TESK2: variants seen among roughly 807,000 people sequenced by gnomAD.
The protein encoded by TESK2 is testis associated actin remodelling kinase 2, also known as dual specificity testis-specific protein kinase 2.
A neutral mutation model predicts 57.1 loss-of-function variants in TESK2; 39 were observed. The observed-to-expected ratio is 0.68, with a 90% CI of 0.53 to 0.89. The LOEUF (loss-of-function observed/expected upper bound fraction) is 0.89, where lower values mean the gene tolerates loss of function less well. Among genes scored for constraint, TESK2 ranks in the 40% least tolerant of loss-of-function variants. The pLI is 0.00. For missense variants in TESK2, 646 were observed against 732.1 expected, an observed-to-expected ratio of 0.88 and a Z score of 1.36; for synonymous variants, 249 against 267.9, an observed-to-expected ratio of 0.93 and a Z score of 0.69.
chr1:45,491,005 C>G lies in TESK2; in HGVS notation c.-240G>C, dbSNP rs1653696587. 6.6e-6 allele frequency: 1 copy of G among 152,348 alleles called. No homozygotes were observed. The highest frequency in any genetic ancestry group is 2.4e-5 in the African/African-American group (1 of 41,464). 9.4% of individuals were successfully genotyped at this position (152,348 alleles called of 1,614,324 possible). A position where few individuals can be genotyped will look rare whatever the true frequency, so the allele number is the denominator to read the frequency against. On this transcript the variant is annotated 5_prime_UTR_variant, in exon 1 of 11. Coordinates refer to ENST00000372086, the MANE Select transcript of TESK2 (RefSeq NM_007170.3). ...GAGCCCCTAGCGCAGAAGCCGGCGACTCAGCTAGGCTAGCGGCGGCGGCGA... is the reference window on the plus strand; with the variant it reads ...GAGCCCCTAGCGCAGAAGCCGGCGAGTCAGCTAGGCTAGCGGCGGCGGCGA...
intron 3 of TESK2, among the ~76,000 whole-genome samples, chr1:45,391,081 C>T (rs1649118966): frequency 6.6e-6 from 1 of 152,034 alleles, no homozygotes; most frequent in East Asian, 1.9e-4. Context: ...CCACACCCAG[C>T]TAATTTTTGT....
chr1:45,399,580 G>A (rs1649517466), intron 3 of TESK2, among the ~76,000 whole-genome samples: 1 of 152,148 alleles, frequency 6.6e-6, no homozygotes, highest in South Asian at 2.1e-4. Flanking sequence ...CTCCCAAAGT[G>A]CTGGGATTAC....
chr1:45,359,609 T>A (rs1344885490), intron 4 of TESK2, among the ~76,000 whole-genome samples: 2 of 146,660 alleles, frequency 1.4e-5, no homozygotes, highest in African/African-American at 2.5e-5. Flanking sequence ...CACACCTGTA[T>A]TCCTAGCACT....
chr1:45,401,829 A>G (rs896440538), intron 3 of TESK2, among the ~76,000 whole-genome samples: 5 of 152,266 alleles, frequency 3.3e-5, no homozygotes, highest in East Asian at 1.9e-4. Flanking sequence ...CTACGAACCA[A>G]TGAAAATCTA....
intron 1 of TESK2, among the ~76,000 whole-genome samples, chr1:45,483,362 G>A (rs1170918675): frequency 3.3e-5 from 5 of 151,982 alleles, no homozygotes; most frequent in Admixed American, 6.6e-5. Context: ...TTGGGAGGCC[G>A]AGGCAGGCGG....
At chr1:45,469,774 G>A (rs1652693408) in intron 1 of TESK2, among the ~76,000 whole-genome samples, 1 of 152,166 alleles carries the variant, frequency 6.6e-6, no homozygotes. Context: ...TGGATGCCAT[G>A]CTGACAGGGA....
At chr1:45,370,417 T>A (rs1388943509) in intron 4 of TESK2, among the ~76,000 whole-genome samples, 2 of 152,236 alleles carry the variant, frequency 1.3e-5, no homozygotes, top group Non-Finnish European at 2.9e-5. Flanking sequence ...GATAAGCAGC[T>A]ACCATTTGTC....
intron 4 of TESK2, among the ~76,000 whole-genome samples, chr1:45,384,427 CTATG>C (rs1557551360): frequency 2.1e-5 from 3 of 142,002 alleles, no homozygotes; most frequent in South Asian, 2.3e-4. Flanking sequence ...ATCTATCTAT[CTATG>C]TATCTAGAGA....
chr1:45,368,763 T>C (rs184695440), intron 4 of TESK2, among the ~76,000 whole-genome samples: 1 of 152,094 alleles, frequency 6.6e-6, no homozygotes, highest in Admixed American at 6.5e-5. Context: ...TTGTTTGTTT[T>C]TTGAGATGGA....
intron 4 of TESK2, among the ~76,000 whole-genome samples, chr1:45,373,158 G>T (rs1244046005): frequency 2.0e-5 from 3 of 151,630 alleles, no homozygotes; most frequent in Non-Finnish European, 4.4e-5. Context: ...AACAAAAAAA[G>T]ATTTGTATTT....
chr1:45,345,648 A>C, intron 10 of TESK2, 90 bp from the exon 11 acceptor site: 2 of 1,234,154 alleles, frequency 1.6e-6, no homozygotes, highest in Non-Finnish European at 2.3e-6. Flanking sequence ...CATGAAAGCA[A>C]AGCTGATACC....
At position 45,470,768 on chromosome 1, in the gene TESK2, G is replaced by A. The variant is rs945826526; in HGVS notation, c.-86-12897C>T. Among the ~76,000 whole-genome samples the A allele has an allele frequency of 2.4e-4, 37 of 152,194 alleles. 1 individual carries two copies. Among genetic ancestry groups the A allele is most frequent in the Admixed American group, 2.1e-3 (32 of 15,270 alleles). On this transcript the variant is annotated intron_variant, in intron 1 of 10. Transcript: ENST00000372086. ...GGTAGCCACTAGGTGCAAGGCTTTA[G>A]GACAGGTGCTATAGTATTTACTGAG...
At chr1:45,462,572 G>A (rs1652379166) in intron 1 of TESK2, among the ~76,000 whole-genome samples, 1 of 152,158 alleles carries the variant, frequency 6.6e-6, no homozygotes, top group African/African-American at 2.4e-5. Context: ...GCGCCCGGCA[G>A]AGGATCTCAT....
At chr1:45,482,747 AG>A (rs35383618) in intron 1 of TESK2, among the ~76,000 whole-genome samples, 34,869 of 151,876 alleles carry the variant, frequency 0.23, 4,125 homozygotes, top group East Asian at 0.33. Context: ...TGGGAGGCCA[AG>A]GGGGGTGGAT....
At chr1:45,449,569 A>G (rs1651791280) in intron 2 of TESK2, among the ~76,000 whole-genome samples, 1 of 152,144 alleles carries the variant, frequency 6.6e-6, no homozygotes, top group Non-Finnish European at 1.5e-5. Flanking sequence ...TAATTAATTA[A>G]TTAATTAATT....
intron 3 of TESK2, among the ~76,000 whole-genome samples, chr1:45,417,834 G>A (rs899127447): frequency 2.0e-5 from 3 of 151,942 alleles, no homozygotes; most frequent in Non-Finnish European, 2.9e-5. Context: ...CTCGTGATCC[G>A]CCCACCTCGG....
intron 3 of TESK2, among the ~76,000 whole-genome samples, chr1:45,394,854 ATTTTTGTAT>A (rs1649296313): frequency 6.6e-6 from 1 of 151,176 alleles, no homozygotes; most frequent in African/African-American, 2.4e-5. Context: ...CACCTGGCTA[ATTTTTGTAT>A]TTTTAGTAGA....
chr1:45,468,167 G>A (rs1048394177), intron 1 of TESK2, among the ~76,000 whole-genome samples: 5 of 145,750 alleles, frequency 3.4e-5, no homozygotes, highest in African/African-American at 1.3e-4. Context: ...TAGAGCAAAC[G>A]TCTGTCTCAA....
At chr1:45,479,918 G>T (rs1228175262) in intron 1 of TESK2, among the ~76,000 whole-genome samples, 2 of 146,556 alleles carry the variant, frequency 1.4e-5, no homozygotes, top group Admixed American at 7.1e-5. Flanking sequence ...CATCTCCCTG[G>T]TTCAAGCCAT....
Sources: gnomAD v4.1 joint callset for allele counts (sites outside exome capture counted in the v4.1 genomes callset) on GRCh38, gnomAD v4.1.1 for gene constraint, MANE v1.5 for transcripts, NCBI Gene and HGNC (gene_info 2026-07-23, HGNC 2026-07-21) for gene names.